The following DPP6 variants were observed in gnomAD, a reference collection of about 807,000 sequenced individuals.
The protein encoded by DPP6 is A-type potassium channel modulatory protein DPP6.
DPP6 carries 69 observed loss-of-function variants against 122.6 expected under a neutral mutation model. The observed-to-expected ratio is 0.56, with a 90% confidence interval of 0.46 to 0.69. The LOEUF is 0.69. DPP6 is among the 30% of genes least tolerant of loss of function. DPP6 has a pLI of 0.00. For synonymous variants in DPP6, 418 were observed against 433.1 expected (o/e 0.97, Z 0.43); for missense variants, 928 against 1,116.9 (o/e 0.83, Z 2.41).
At chr7:154,789,398 T>C (rs540748285) in intron 10 of DPP6, among the ~76,000 whole-genome samples, 1 of 152,342 alleles carries the variant, frequency 6.6e-6, no homozygotes, top group South Asian at 2.1e-4. Context: ...AATAGTACAG[T>C]GGGGAAGAGA....
intron 8 of DPP6, among the ~76,000 whole-genome samples, chr7:154,752,362 T>C (rs972939444): frequency 6.6e-6 from 1 of 152,180 alleles, no homozygotes; most frequent in African/African-American, 2.4e-5. Context: ...TGTAAACATC[T>C]TAGGACCATG....
At chr7:154,640,888 C>T (rs1294005695) in intron 6 of DPP6, among the ~76,000 whole-genome samples, 1 of 152,148 alleles carries the variant, frequency 6.6e-6, no homozygotes, top group African/African-American at 2.4e-5. Flanking sequence ...TTCCTTTCCT[C>T]GCTCCTCCCT....
At chr7:153,877,597 C>G in the DPP6 span, among the ~76,000 whole-genome samples, 1 of 152,028 alleles carries the variant, frequency 6.6e-6, no homozygotes, top group Non-Finnish European at 1.5e-5. Context: ...TGTGGTCTGT[C>G]ATATGTTGAC....
chr7:154,582,037 C>T (rs1448010932), intron 5 of DPP6, among the ~76,000 whole-genome samples: 1 of 152,218 alleles, frequency 6.6e-6, no homozygotes, highest in Non-Finnish European at 1.5e-5. Flanking sequence ...TCCTCAAGGG[C>T]AGCTGCCCTC....
chr7:154,224,218 A>G (rs1352326293), intron 1 of DPP6, among the ~76,000 whole-genome samples: 2 of 149,074 alleles, frequency 1.3e-5, no homozygotes, highest in South Asian at 4.2e-4. Context: ...TGTAAAATCC[A>G]TGTGTGAGCC....
intron 4 of DPP6, among the ~76,000 whole-genome samples, chr7:154,561,343 T>C (rs1830414910): frequency 6.6e-6 from 1 of 152,224 alleles, no homozygotes; most frequent in South Asian, 2.1e-4. Context: ...GTAGACTATA[T>C]GCTGGGCCAT....
intron 1 of DPP6, among the ~76,000 whole-genome samples, chr7:154,135,393 A>T (rs1402807585): frequency 6.7e-6 from 1 of 150,284 alleles, no homozygotes; most frequent in African/African-American, 2.5e-5. Context: ...ACTTCCTTTG[A>T]GCATACACCT....
intron 7 of DPP6, among the ~76,000 whole-genome samples, chr7:154,705,605 C>CTG (rs1458816493): frequency 6.6e-6 from 1 of 152,168 alleles, no homozygotes; most frequent in African/African-American, 2.4e-5. Context: ...GGGCCCATGG[C>CTG]TGGGGTGGCA....
chr7:154,133,350 G>T (rs1198547868), intron 1 of DPP6, among the ~76,000 whole-genome samples: 4 of 152,256 alleles, frequency 2.6e-5, no homozygotes, highest in East Asian at 1.9e-4. Context: ...CAATGTGAGG[G>T]TGGCTCCAAT....
intron 1 of DPP6, among the ~76,000 whole-genome samples, chr7:154,334,490 C>T (rs1347599324): frequency 6.6e-6 from 1 of 152,200 alleles, no homozygotes; most frequent in African/African-American, 2.4e-5. Flanking sequence ...GCGGCACTGG[C>T]TGCGTGGAAA....
At chr7:154,726,009 T>TC (rs1480800839) in intron 7 of DPP6, among the ~76,000 whole-genome samples, 1 of 152,190 alleles carries the variant, frequency 6.6e-6, no homozygotes, top group East Asian at 1.9e-4. Flanking sequence ...ACTCCATGAC[T>TC]CATATCCAGT....
intron 1 of DPP6, among the ~76,000 whole-genome samples, chr7:154,176,362 C>A (rs185192031): frequency 6.6e-6 from 1 of 152,132 alleles, no homozygotes; most frequent in Non-Finnish European, 1.5e-5. Flanking sequence ...CATTTGAAAC[C>A]CACTGCTGTG....
At chr7:154,433,589 G>A (rs576125404) in intron 1 of DPP6, among the ~76,000 whole-genome samples, 3 of 152,026 alleles carry the variant, frequency 2.0e-5, no homozygotes, top group Non-Finnish European at 2.9e-5. Flanking sequence ...GTGCACACCC[G>A]GGGGTTCTAA....
At chr7:154,386,173 G>A (rs534096630) in intron 1 of DPP6, among the ~76,000 whole-genome samples, 2 of 152,070 alleles carry the variant, frequency 1.3e-5, no homozygotes, top group African/African-American at 2.4e-5. Context: ...CTCTGAAATC[G>A]GTATTATGAG....
intron 1 of DPP6, among the ~76,000 whole-genome samples, chr7:154,324,236 T>C (rs1340378190): frequency 6.6e-6 from 1 of 152,226 alleles, no homozygotes; most frequent in African/African-American, 2.4e-5. Flanking sequence ...AGCAGGTTGC[T>C]TGGGGAGCTG....
chr7:154,024,816 C>T (rs904142251), intron 1 of DPP6, among the ~76,000 whole-genome samples: 2 of 152,314 alleles, frequency 1.3e-5, no homozygotes, highest in Admixed American at 6.5e-5. Flanking sequence ...CTACTTTTCT[C>T]GCCAGGTACC....
intron 3 of DPP6, among the ~76,000 whole-genome samples, chr7:154,506,762 T>C (rs1028502249): frequency 7.2e-5 from 11 of 152,354 alleles, no homozygotes; most frequent in African/African-American, 2.6e-4. Context: ...ATATTTATGA[T>C]AGCAAAAGTC....
intron 3 of DPP6, among the ~76,000 whole-genome samples, chr7:154,519,164 A>G (rs1177823400): frequency 1.3e-5 from 2 of 152,216 alleles, no homozygotes; most frequent in East Asian, 3.9e-4. Flanking sequence ...CAAAGTCTTT[A>G]TGGGTCAAAG....
intron 1 of DPP6, among the ~76,000 whole-genome samples, chr7:154,413,098 C>A (rs1357434195): frequency 6.6e-6 from 1 of 152,228 alleles, no homozygotes; most frequent in African/African-American, 2.4e-5. Context: ...CCCCCACTGA[C>A]CTCCAGGCTT....
Sources: allele counts gnomAD v4.1 joint callset (sites outside exome capture counted in the v4.1 genomes callset), GRCh38; gene constraint gnomAD v4.1.1; transcripts MANE v1.5; gene names NCBI Gene and HGNC (gene_info 2026-07-23, HGNC 2026-07-21).